KLHL29: variants seen among roughly 807,000 people sequenced by gnomAD.
KLHL29 encodes kelch-like protein 29.
KLHL29 carries 21 observed loss-of-function variants against 80.4 expected under a neutral mutation model. That is an observed-to-expected ratio of 0.26 (90% confidence interval 0.19 to 0.38). The LOEUF (loss-of-function observed/expected upper bound fraction) is 0.38, where lower values mean the gene tolerates loss of function less well. Among genes scored for constraint, KLHL29 ranks in the 10% least tolerant of loss-of-function variants. KLHL29 has a pLI of 1.00. For synonymous variants in KLHL29, 511 were observed against 526.8 expected (o/e 0.97, Z 0.41); for missense variants, 867 against 1,223.9 (o/e 0.71, Z 4.35).
chr2:23,603,512 T>C (rs1668626871), intron 3 of KLHL29, among the ~76,000 whole-genome samples: 1 of 152,208 alleles, frequency 6.6e-6, no homozygotes, highest in South Asian at 2.1e-4. Context: ...ACCCAGCCAG[T>C]TGCTTTCCAG....
At chr2:23,479,574 G>A (rs895294280) in intron 2 of KLHL29, among the ~76,000 whole-genome samples, 13 of 152,108 alleles carry the variant, frequency 8.5e-5, no homozygotes, top group Admixed American at 6.6e-4. Flanking sequence ...TGCTTCAGCT[G>A]TTCCCAGACT....
rs1351384553 is a variant in KLHL29, at chr2:23,684,510, G to A, written c.1052G>A (p.Ser351Asn). The change falls in exon 6 of 14, where the codon AGC becomes AAC. Residue 351 changes from serine (S) to asparagine (N), a missense_variant. By Grantham distance (46) the Ser-to-Asn change is conservative. This residue lies in a region of KLHL29 where 443 missense variants were observed against 767.0 expected (regional missense o/e 0.58). Transcript: ENST00000486442. This position sits in a 1 kb window ranked among gnomAD's most constrained non-coding sequence, Gnocchi z 4.4. ...EVHQNVLASC[S>N]LYFKDLIQRS... is the part of the protein sequence containing the mutation. ...CACCAAAATGTTCTAGCTTCCTGCA[G>A]CTTGTATTTCAAGGACCTGATTCAA... 1.3e-6 allele frequency: 2 copies of A among 1,550,136 alleles called. No homozygotes were observed. The highest frequency in any genetic ancestry group is 1.7e-6 in the Non-Finnish European group (2 of 1,146,652).
intron 2 of KLHL29, among the ~76,000 whole-genome samples, chr2:23,528,300 C>T (rs548130354): frequency 1.3e-5 from 2 of 152,094 alleles, no homozygotes; most frequent in Non-Finnish European, 2.9e-5. Context: ...CAATGAAGCC[C>T]TGGGCCGGTT....
chr2:23,542,370 A>G (rs1438831003), intron 2 of KLHL29, among the ~76,000 whole-genome samples: 1 of 152,286 alleles, frequency 6.6e-6, no homozygotes, highest in Non-Finnish European at 1.5e-5. Context: ...CTCCATCTGC[A>G]CAGGGGTTCA....
At chr2:23,628,387 G>C (rs1669376154) in intron 3 of KLHL29, among the ~76,000 whole-genome samples, 1 of 152,122 alleles carries the variant, frequency 6.6e-6, no homozygotes, top group African/African-American at 2.4e-5. Flanking sequence ...GCCATAGGGG[G>C]CAGAGGGGCC....
intron 3 of KLHL29, among the ~76,000 whole-genome samples, chr2:23,620,437 C>T (rs1443792687): frequency 6.6e-6 from 1 of 152,104 alleles, no homozygotes; most frequent in Non-Finnish European, 1.5e-5. Flanking sequence ...GTCAGGGAGG[C>T]CAGGGCTGCT....
intron 2 of KLHL29, among the ~76,000 whole-genome samples, chr2:23,486,008 C>T (rs921235249): frequency 4.6e-5 from 7 of 152,142 alleles, no homozygotes; most frequent in Non-Finnish European, 8.8e-5. Context: ...AGGAAGGTGT[C>T]GGCATGCCCA....
chr2:23,688,059 G>C (rs1005040331), intron 6 of KLHL29, among the ~76,000 whole-genome samples: 3 of 152,168 alleles, frequency 2.0e-5, no homozygotes, highest in Admixed American at 2.0e-4. Context: ...CCCTGAGCAT[G>C]TGTGGGTGGC....
chr2:23,504,519 C>T (rs2103457176), intron 2 of KLHL29, among the ~76,000 whole-genome samples: 1 of 152,314 alleles, frequency 6.6e-6, no homozygotes, highest in African/African-American at 2.4e-5. Flanking sequence ...CTAGGGTTTC[C>T]ATGGTTAAGT....
chr2:23,605,766 G>A (rs537426598), intron 3 of KLHL29, among the ~76,000 whole-genome samples: 115 of 135,996 alleles, frequency 8.5e-4, no homozygotes, highest in African/African-American at 3.0e-3. Context: ...CAGGAACTGG[G>A]AAAACCGTTT....
chr2:23,624,925 A>T (rs537583714), intron 3 of KLHL29, among the ~76,000 whole-genome samples: 1 of 152,188 alleles, frequency 6.6e-6, no homozygotes. Context: ...TGCCTGCTTT[A>T]TAGATGAAGG....
intron 3 of KLHL29, among the ~76,000 whole-genome samples, chr2:23,630,288 G>A (rs570082789): frequency 3.9e-5 from 6 of 152,290 alleles, no homozygotes; most frequent in Admixed American, 6.5e-5. Flanking sequence ...GAGGGCTTTA[G>A]TATTATCCTG....
chr2:23,477,116 A>G (rs1360318998), intron 2 of KLHL29, among the ~76,000 whole-genome samples: 2 of 152,236 alleles, frequency 1.3e-5, no homozygotes, highest in East Asian at 1.9e-4. Context: ...CTGCGTCTGC[A>G]TAACACACAG....
chr2:23,664,177 C>T (rs558491887), intron 5 of KLHL29, among the ~76,000 whole-genome samples: 4 of 152,260 alleles, frequency 2.6e-5, no homozygotes, highest in Admixed American at 2.0e-4. Flanking sequence ...CACCTCCCAT[C>T]GGAACGTTTT....
At chr2:23,621,168 G>A (rs973608842) in intron 3 of KLHL29, among the ~76,000 whole-genome samples, 6 of 152,204 alleles carry the variant, frequency 3.9e-5, no homozygotes, top group South Asian at 2.1e-4. Context: ...ATGGGGCCCA[G>A]TTCTCACCCA....
chr2:23,673,213 CACAG>C lies in KLHL29; in HGVS notation c.941-11182_941-11179del, dbSNP rs1305090144. 4.7e-5 allele frequency among the ~76,000 whole-genome samples: 7 copies of C among 150,532 alleles called. No individual in the cohort carries two copies. In the East Asian group the frequency reaches 1.4e-3, roughly 30 times the overall value. On this transcript the variant is annotated intron_variant, in intron 5 of 13. Transcript: ENST00000486442. ...ACATGCTGTCTCACACACACATCTA[CACAG>C]ACACAGGCACAGACACACACCCACA...
At chr2:23,627,039 C>T (rs922241265) in intron 3 of KLHL29, among the ~76,000 whole-genome samples, 4 of 152,130 alleles carry the variant, frequency 2.6e-5, no homozygotes, top group Admixed American at 6.5e-5. Context: ...TGCCCATCCC[C>T]GCCCCGCTCC....
At chr2:23,641,818 T>C (rs1669777918) in intron 4 of KLHL29, among the ~76,000 whole-genome samples, 1 of 152,048 alleles carries the variant, frequency 6.6e-6, no homozygotes, top group Admixed American at 6.6e-5. Flanking sequence ...ACCCCATCTC[T>C]ACTAAAAATA....
rs1664992470 is a variant in KLHL29, at chr2:23,488,422, G to A, written c.-46+12755G>A. On this transcript the variant is annotated intron_variant, in intron 2 of 13. Coordinates refer to ENST00000486442, the MANE Select transcript of KLHL29 (RefSeq NM_052920.2). ...CACTCAGATGCTGGGAACCAGACCAGCCTCTACTATGGGGCCTTGGAGGGC... is the reference window on the plus strand; with the variant it reads ...CACTCAGATGCTGGGAACCAGACCAACCTCTACTATGGGGCCTTGGAGGGC... Among the ~76,000 whole-genome samples, 3 of 152,218 alleles carry A rather than the reference G, an allele frequency of 2.0e-5. No homozygotes were observed. The South Asian group carries it at 6.2e-4, about 32-fold the overall frequency.
Sources: gnomAD v4.1 joint callset for allele counts (sites outside exome capture counted in the v4.1 genomes callset) on GRCh38, gnomAD v4.1.1 for gene constraint, gnomAD v4.1.1 regional missense constraint, Gnocchi (gnomAD v3.1) non-coding constraint, MANE v1.5 for transcripts, NCBI Gene and HGNC (gene_info 2026-07-23, HGNC 2026-07-21) for gene names.